The following NHSL1 variants were observed in gnomAD, a reference collection of about 807,000 sequenced individuals.
The protein encoded by NHSL1 is NHS like 1, also known as NHS-like protein 1.
NHSL1 carries 48 observed loss-of-function variants against 95.0 expected under a neutral mutation model. The ratio of observed to expected loss-of-function variants is 0.51; its 90% confidence interval spans 0.40 to 0.64. The LOEUF (loss-of-function observed/expected upper bound fraction) is 0.64. Among genes scored for constraint, NHSL1 ranks in the 30% least tolerant of loss-of-function variants. NHSL1 has a pLI of 0.00. For synonymous variants in NHSL1, 783 were observed against 833.9 expected, an observed-to-expected ratio of 0.94 and a Z score of 1.05; for missense variants, 1,971 against 2,077.7, an observed-to-expected ratio of 0.95 and a Z score of 1.00.
rs45551934 is a variant in NHSL1 at position 138,423,955 on chromosome 6, G to A, written c.*126C>T. 0.18 allele frequency: 178,568 copies of A among 1,009,122 alleles called. 17,448 individuals are homozygous for A. Among genetic ancestry groups the A allele is most frequent in the East Asian group, 0.36 (11,469 of 31,586 alleles). The allele number at this position is 1,009,122 out of a possible 1,614,324, so 62.5% of individuals were successfully genotyped here. On this transcript the variant is annotated 3_prime_UTR_variant, in exon 8 of 8. Coordinates refer to ENST00000343505, the MANE Select transcript of NHSL1 (RefSeq NM_001144060.2). ...CTCACACTGCAGGGCTGGCAACCCC[G>A]GGGCCCACAGCACAGAAGCAGAGTG...
intron 1 of NHSL1, among the ~76,000 whole-genome samples, chr6:138,619,680 G>C (rs141656592): frequency 1.3e-5 from 2 of 152,086 alleles, no homozygotes; most frequent in Non-Finnish European, 2.9e-5. Flanking sequence ...CCACCACTTC[G>C]GGAGGACAAG....
At chr6:138,639,020 GT>G (rs1344677145) in intron 1 of NHSL1, among the ~76,000 whole-genome samples, 1 of 152,132 alleles carries the variant, frequency 6.6e-6, no homozygotes, top group African/African-American at 2.4e-5. Flanking sequence ...TGTACCATCT[GT>G]TTTAATAAAG....
chr6:138,459,363 T>G (rs977185675), intron 3 of NHSL1, among the ~76,000 whole-genome samples: 2 of 152,226 alleles, frequency 1.3e-5, no homozygotes, highest in African/African-American at 2.4e-5. Flanking sequence ...TTGCAATAGC[T>G]ATTTTAAATA....
intron 1 of NHSL1, among the ~76,000 whole-genome samples, chr6:138,530,403 C>T (rs536062671): frequency 1.3e-5 from 2 of 152,102 alleles, no homozygotes; most frequent in Non-Finnish European, 2.9e-5. Context: ...AAGTACCATT[C>T]GATCCAGTAA....
In NHSL1 at chr6:138,474,209, A is replaced by C. The variant is rs377523829; in HGVS notation, c.212-776T>G. Reference sequence around the variant, plus strand: ...ATGGCTCTTTAAAGCACCAAGATGCACAAAGGGGCATTTGCCTCAAAAAAG... The same window carrying C: ...ATGGCTCTTTAAAGCACCAAGATGCCCAAAGGGGCATTTGCCTCAAAAAAG... On this transcript the variant is annotated intron_variant, in intron 2 of 7. Coordinates refer to ENST00000343505, the MANE Select transcript of NHSL1 (RefSeq NM_001144060.2). 3.6e-3 allele frequency among the ~76,000 whole-genome samples: 555 copies of C among 152,346 alleles called. 3 individuals are homozygous for C. The highest frequency in any genetic ancestry group is 6.8e-3 in the Middle Eastern group (2 of 294).
At chr6:138,443,631 A>AGTCT (rs1776672959) in intron 4 of NHSL1, among the ~76,000 whole-genome samples, 1 of 152,236 alleles carries the variant, frequency 6.6e-6, no homozygotes. Context: ...GTTCAAGACC[A>AGTCT]GTCTAAGCAA....
chr6:138,642,930 C>T (rs1326009726), intron 1 of NHSL1, among the ~76,000 whole-genome samples: 1 of 152,072 alleles, frequency 6.6e-6, no homozygotes, highest in Non-Finnish European at 1.5e-5. Context: ...TCTAAGATTC[C>T]TTTAAATATT....
At chr6:138,521,985 G>C (rs1247721681) in intron 1 of NHSL1, among the ~76,000 whole-genome samples, 1 of 152,166 alleles carries the variant, frequency 6.6e-6, no homozygotes, top group Non-Finnish European at 1.5e-5. Flanking sequence ...AATGACTTCA[G>C]GAAATCCAAC....
chr6:138,558,831 C>A (rs982800702), intron 1 of NHSL1, among the ~76,000 whole-genome samples: 1 of 152,228 alleles, frequency 6.6e-6, no homozygotes, highest in Non-Finnish European at 1.5e-5. Context: ...TCACTTGAGG[C>A]TAAGAGTGAA....
At chr6:138,677,236 AT>A (rs1397708136) in intron 1 of NHSL1, among the ~76,000 whole-genome samples, 1 of 152,114 alleles carries the variant, frequency 6.6e-6, no homozygotes, top group African/African-American at 2.4e-5. Flanking sequence ...TCCTAGTTAC[AT>A]TTTTTAGGAG....
intron 7 of NHSL1, among the ~76,000 whole-genome samples, chr6:138,427,399 C>A (rs925041948): frequency 1.3e-5 from 2 of 151,348 alleles, no homozygotes; most frequent in African/African-American, 2.4e-5. Context: ...AAGATCGCGC[C>A]ACTGCACTCC....
intron 1 of NHSL1, among the ~76,000 whole-genome samples, chr6:138,558,158 T>G (rs2128337952): frequency 6.6e-6 from 1 of 152,270 alleles, no homozygotes; most frequent in South Asian, 2.1e-4. Context: ...AGTCTTGTTC[T>G]GTTGCCCAGG....
intron 3 of NHSL1, among the ~76,000 whole-genome samples, chr6:138,472,545 TTTAA>T (rs1356380201): frequency 2.6e-5 from 4 of 152,264 alleles, no homozygotes; most frequent in Non-Finnish European, 5.9e-5. Flanking sequence ...ATTGAAAGTT[TTTAA>T]TTAATTAAAA....
At chr6:138,499,578 G>A (rs1351295489), upstream of NHSL1, 5 of 387,316 alleles carry the variant, frequency 1.3e-5, no homozygotes, top group African/African-American at 6.2e-5. Context: ...AGCCAATCAC[G>A]GTTCTTATTT....
chr6:138,538,335 A>C (rs959495622), intron 1 of NHSL1, among the ~76,000 whole-genome samples: 2 of 152,212 alleles, frequency 1.3e-5, no homozygotes, highest in African/African-American at 4.8e-5. Flanking sequence ...ATGCCATCCC[A>C]CATAGCTAAC....
At chr6:138,560,023 C>T (rs1310280254) in intron 1 of NHSL1, among the ~76,000 whole-genome samples, 5 of 152,312 alleles carry the variant, frequency 3.3e-5, no homozygotes, top group African/African-American at 1.2e-4. Context: ...CCAAAACATT[C>T]ACACCATAGT....
intron 5 of NHSL1, among the ~76,000 whole-genome samples, chr6:138,437,548 A>G (rs909316366): frequency 6.6e-6 from 1 of 151,080 alleles, no homozygotes; most frequent in African/African-American, 2.4e-5. Context: ...TCTGCAGCCC[A>G]TGGCTTAAAG....
Position 138,630,223 on chromosome 6 carries a change from A to G in NHSL1, c.96+62253T>C, listed in dbSNP as rs532334891. Among the ~76,000 whole-genome samples, 320 of 140,588 alleles carry G rather than the reference A, an allele frequency of 2.3e-3. 1 individual carries two copies. The highest frequency in any genetic ancestry group is 8.6e-3 in the African/African-American group (302 of 35,224). The allele number at this position is 140,588 out of a possible 152,430, so 92.2% of individuals were successfully genotyped here. ...CCTTGTCTCCCCGCCCACTCCCACC[A>G]AAAAAAAAAAATCACACTGTGAAGC... On this transcript the variant is annotated intron_variant, in intron 1 of 3. Transcript: ENST00000491526.
chr6:138,670,370 T>TTAA lies in NHSL1; in HGVS notation c.96+22105_96+22106insTTA, dbSNP rs1248424219. On this transcript the variant is annotated intron_variant, in intron 1 of 3. Coordinates refer to the NHSL1 transcript ENST00000491526. Reference sequence around the variant, plus strand: ...AACTTGCAGCAAACACCGTTGAAGGTAAAAAAAAAAAAAAGGCCGGGCGCG... The same window carrying TTAA: ...AACTTGCAGCAAACACCGTTGAAGGTTAAAAAAAAAAAAAAAAGGCCGGGCGCG... Among the ~76,000 whole-genome samples, 16 of 125,436 alleles carry TTAA rather than the reference T, an allele frequency of 1.3e-4. 1 individual carries two copies. Among genetic ancestry groups the TTAA allele is most frequent in the Middle Eastern group, 4.7e-3 (1 of 214 alleles). The allele number at this position is 125,436 out of a possible 152,430, so 82.3% of individuals were successfully genotyped here. A position where few individuals can be genotyped will look rare whatever the true frequency, so the allele number is the denominator to read the frequency against.
Sources: gnomAD v4.1 joint callset for allele counts (sites outside exome capture counted in the v4.1 genomes callset) on GRCh38, gnomAD v4.1.1 for gene constraint, MANE v1.5 for transcripts, NCBI Gene and HGNC (gene_info 2026-07-23, HGNC 2026-07-21) for gene names.